MICU1: variants seen among roughly 807,000 people sequenced by gnomAD.
MICU1 encodes calcium uptake protein 1, mitochondrial.
A neutral mutation model predicts 56.8 loss-of-function variants in MICU1; 45 were observed. That is an observed-to-expected ratio of 0.79 (90% CI 0.62 to 1.02). The LOEUF (loss-of-function observed/expected upper bound fraction) is 1.02. MICU1 is among the 50% of genes least tolerant of loss of function. The pLI is 0.00. For synonymous variants in MICU1, 186 were observed against 195.1 expected (o/e 0.95, Z 0.39); for missense variants, 504 against 587.1 (o/e 0.86, Z 1.46).
chr10:72,460,305 T>C (rs1174056685), intron 8 of MICU1, among the ~76,000 whole-genome samples: 1 of 152,232 alleles, frequency 6.6e-6, no homozygotes, highest in Non-Finnish European at 1.5e-5. Context: ...AGATAGCTTG[T>C]AACCTAGAAT....
chr10:72,381,215 T>C (rs1442126336), intron 10 of MICU1, among the ~76,000 whole-genome samples: 24 of 152,176 alleles, frequency 1.6e-4, no homozygotes, highest in Admixed American at 1.6e-3. Flanking sequence ...GTCTCTAAGC[T>C]GTGTGGCCAT....
chr10:72,461,769 G>A (rs1865645474), intron 8 of MICU1, among the ~76,000 whole-genome samples: 1 of 152,194 alleles, frequency 6.6e-6, no homozygotes, highest in South Asian at 2.1e-4. Context: ...GGCCACCATG[G>A]TGAAACCTTG....
chr10:72,456,945 AGG>A (rs1564880787), intron 8 of MICU1, among the ~76,000 whole-genome samples: 1 of 67,806 alleles, frequency 1.5e-5, no homozygotes, highest in African/African-American at 6.8e-5. Flanking sequence ...TATATTGCCC[AGG>A]TGTGTGTGTG....
chr10:72,426,884 T>C (rs1455064544), intron 8 of MICU1, among the ~76,000 whole-genome samples: 2 of 152,200 alleles, frequency 1.3e-5, no homozygotes, highest in African/African-American at 4.8e-5. Flanking sequence ...GGAGGATCTT[T>C]TGAGGAAAGA....
rs975390452 is a variant in MICU1, at chr10:72,476,577, G to T, written c.735+597C>A. 5.3e-5 allele frequency among the ~76,000 whole-genome samples: 8 copies of T among 152,128 alleles called. No homozygotes were observed. In the East Asian group the frequency reaches 1.4e-3, roughly 26 times the overall value. ...ACCTGATACTTTCTCCCACTTCCTGGAATATTTGCCCCTTTCCTCATTTTG... is the reference window on the plus strand; with the variant it reads ...ACCTGATACTTTCTCCCACTTCCTGTAATATTTGCCCCTTTCCTCATTTTG... On this transcript the variant is annotated intron_variant, in intron 7 of 11. Transcript: ENST00000361114.
intron 9 of MICU1, among the ~76,000 whole-genome samples, chr10:72,410,170 T>C (rs1287509149): frequency 6.6e-6 from 1 of 152,268 alleles, no homozygotes; most frequent in Non-Finnish European, 1.5e-5. Flanking sequence ...GTTCATGTTT[T>C]TGTGTGTATC....
At chr10:72,425,199 C>T (rs1189183282) in intron 8 of MICU1, among the ~76,000 whole-genome samples, 1 of 152,354 alleles carries the variant, frequency 6.6e-6, no homozygotes, top group Non-Finnish European at 1.5e-5. Context: ...GTGCTCCCTG[C>T]TCTCCAGGGC....
intron 1 of MICU1, among the ~76,000 whole-genome samples, chr10:72,612,790 G>A (rs1416142661): frequency 1.3e-5 from 2 of 150,062 alleles, no homozygotes; most frequent in African/African-American, 4.9e-5. Context: ...GACAGAGTGA[G>A]ACCCTGTCTC....
chr10:72,391,125 G>A (rs931739860), intron 10 of MICU1, among the ~76,000 whole-genome samples: 1 of 141,930 alleles, frequency 7.0e-6, no homozygotes, highest in African/African-American at 2.4e-5. Context: ...GATTCAACCA[G>A]CTGCAGATCA....
chr10:72,562,636 G>T (rs1050276792), intron 3 of MICU1: 7 of 291,756 alleles, frequency 2.4e-5, no homozygotes, highest in African/African-American at 1.5e-4. Context: ...CAGAAAAAAA[G>T]AATCACCTTA....
At chr10:72,394,747 G>A (rs1320239857) in intron 10 of MICU1, among the ~76,000 whole-genome samples, 2 of 152,208 alleles carry the variant, frequency 1.3e-5, no homozygotes, top group African/African-American at 2.4e-5. Context: ...AAGGCAGAAG[G>A]ATCCTGTGAG....
chr10:72,533,782 A>C lies in MICU1; in HGVS notation c.501T>G (p.Gly167=), dbSNP rs746776204. The C allele has an allele frequency of 9.4e-6, 15 of 1,594,914 alleles. No individual in the cohort carries two copies. The highest frequency in any genetic ancestry group is 3.5e-5 in the Admixed American group (2 of 57,496). Residue 167 remains glycine (G), a synonymous_variant, in exon 5 of 12, where the codon GGT becomes GGG. Coordinates refer to ENST00000361114, the MANE Select transcript of MICU1 (RefSeq NM_001195518.2). ...TPNEKQPEHL[G]LDQYIIKRFD... ...AGCGTTTTATTATATATTGATCCAGACCCAAGTCTGTAAAAGAAAAGGAAA... is the reference window on the plus strand; with the variant it reads ...AGCGTTTTATTATATATTGATCCAGCCCCAAGTCTGTAAAAGAAAAGGAAA...
intron 6 of MICU1, among the ~76,000 whole-genome samples, chr10:72,490,111 G>C (rs142031953): frequency 6.6e-5 from 10 of 152,218 alleles, no homozygotes; most frequent in African/African-American, 1.9e-4. Context: ...CTTTGAGAAG[G>C]ACAATATTCA....
intron 10 of MICU1, among the ~76,000 whole-genome samples, chr10:72,399,950 T>C (rs1049475806): frequency 6.6e-6 from 1 of 151,426 alleles, no homozygotes; most frequent in Non-Finnish European, 1.5e-5. Flanking sequence ...AAAGCAAAAC[T>C]CCATCTCAAA....
intron 6 of MICU1, among the ~76,000 whole-genome samples, chr10:72,497,386 G>C (rs945973781): frequency 2.6e-5 from 4 of 152,036 alleles, no homozygotes; most frequent in Non-Finnish European, 5.9e-5. Context: ...AGTTGTTCCA[G>C]AAGCAGGTTA....
intron 3 of MICU1, among the ~76,000 whole-genome samples, chr10:72,554,405 C>T (rs1176848561): frequency 3.3e-5 from 5 of 152,132 alleles, no homozygotes; most frequent in Admixed American, 6.5e-5. Context: ...TGAGTCTGAT[C>T]GAGCCTCAGA....
At chr10:72,604,226 T>C (rs1472482247) in intron 1 of MICU1, among the ~76,000 whole-genome samples, 1 of 151,838 alleles carries the variant, frequency 6.6e-6, no homozygotes, top group Non-Finnish European at 1.5e-5. Context: ...CCTAGGTTCA[T>C]GGCTTGATAA....
At chr10:72,371,480 C>T (rs1162429375) in intron 11 of MICU1, among the ~76,000 whole-genome samples, 1 of 151,926 alleles carries the variant, frequency 6.6e-6, no homozygotes, top group African/African-American at 2.4e-5. Flanking sequence ...CGGTGCCTCA[C>T]GCCTGTAATC....
chr10:72,486,313 T>C (rs1242333415), intron 6 of MICU1, among the ~76,000 whole-genome samples: 1 of 152,162 alleles, frequency 6.6e-6, no homozygotes, highest in African/African-American at 2.4e-5. Context: ...ATATGTATCT[T>C]TAGGACTAGC....
Sources: allele counts gnomAD v4.1 joint callset (sites outside exome capture counted in the v4.1 genomes callset), GRCh38; gene constraint gnomAD v4.1.1; transcripts MANE v1.5; gene names NCBI Gene and HGNC (gene_info 2026-07-23, HGNC 2026-07-21).